The following SHISA9 variants were observed in gnomAD, a reference collection of about 807,000 sequenced individuals.
SHISA9 encodes protein shisa-9.
SHISA9 carries 13 observed loss-of-function variants against 38.0 expected under a neutral mutation model. That is an observed-to-expected ratio of 0.34 (90% CI 0.22 to 0.54). The LOEUF is 0.54. Ranked by LOEUF, SHISA9 falls within the 20% of genes least tolerant of loss-of-function variation. The probability of loss-of-function intolerance (pLI) is 0.91; values close to 1 mark genes in which losing one functional copy is unlikely to be tolerated. For missense variants in SHISA9, 538 were observed against 575.8 expected (o/e 0.93, Z 0.67); for synonymous variants, 275 against 242.0 (o/e 1.14, Z -1.27).
the SHISA9 span, among the ~76,000 whole-genome samples, chr16:13,553,369 C>G: frequency 6.6e-5 from 10 of 152,192 alleles, no homozygotes; most frequent in Non-Finnish European, 1.0e-4. Context: ...TCATTCTACG[C>G]TAGGCACTGT....
chr16:12,953,498 G>A (rs2071787672), intron 2 of SHISA9, among the ~76,000 whole-genome samples: 1 of 152,180 alleles, frequency 6.6e-6, no homozygotes, highest in African/African-American at 2.4e-5. Flanking sequence ...CCAACAGAAA[G>A]CATAAGGACA....
At position 12,902,223 on chromosome 16, in the gene SHISA9, G is replaced by A. The variant is rs1194291973; in HGVS notation, c.159G>A (p.Glu53=). The change falls in exon 1 of 5, where the codon GAG becomes GAA. Residue 53 remains glutamate (E), a synonymous_variant. Coordinates refer to ENST00000558583, the MANE Select transcript of SHISA9 (RefSeq NM_001145204.3). ...GGNRSGAASG[E]ASEGAEASDA... ...ACCGCTCCGGGGCCGCCTCCGGAGA[G>A]GCCAGCGAGGGCGCTGAGGCATCGG... 6.5e-7 allele frequency: 1 copy of A among 1,538,916 alleles called. No homozygotes were observed. Among genetic ancestry groups the A allele is most frequent in the Non-Finnish European group, 8.7e-7 (1 of 1,145,746 alleles).
chr16:13,495,512 G>C, the SHISA9 span, among the ~76,000 whole-genome samples: 1 of 152,042 alleles, frequency 6.6e-6, no homozygotes, highest in African/African-American at 2.4e-5. Flanking sequence ...TATATTGGCA[G>C]TGACTTTTCT....
At chr16:13,132,738 A>G (rs559565457) in intron 2 of SHISA9, among the ~76,000 whole-genome samples, 1 of 152,322 alleles carries the variant, frequency 6.6e-6, no homozygotes, top group South Asian at 2.1e-4. Flanking sequence ...AAGGAAAGGT[A>G]TTGAAAGCAA....
the SHISA9 span, among the ~76,000 whole-genome samples, chr16:13,544,447 T>TTTTTTTC: frequency 6.9e-6 from 1 of 144,212 alleles, no homozygotes; most frequent in African/African-American, 2.6e-5. Flanking sequence ...TTTTTTTTTT[T>TTTTTTTC]CCCCGCTGGA....
At chr16:13,205,886 C>T (rs916248010) in intron 3 of SHISA9, among the ~76,000 whole-genome samples, 7 of 151,744 alleles carry the variant, frequency 4.6e-5, no homozygotes, top group Admixed American at 1.3e-4. Context: ...CTCAGCCTCC[C>T]GAGTAGCTGA....
intron 2 of SHISA9, among the ~76,000 whole-genome samples, chr16:13,025,776 G>A (rs2072913174): frequency 6.6e-6 from 1 of 151,848 alleles, no homozygotes; most frequent in Admixed American, 6.6e-5. Context: ...TTTATTGTAA[G>A]AACACTTAAC....
Position 12,981,645 on chromosome 16 carries a change from G to A in SHISA9, c.691+64830G>A, listed in dbSNP as rs185701995. ...TCGATTTTTAATCCCCTGGGTCTTC[G>A]TTACAGGCTGAATTGTGTCTTCTTG... On this transcript the variant is annotated intron_variant, in intron 2 of 4. Transcript: ENST00000558583. Among the ~76,000 whole-genome samples the A allele has an allele frequency of 2.3e-3, 351 of 152,220 alleles. 1 individual carries two copies. Among genetic ancestry groups the A allele is most frequent in the African/African-American group, 8.1e-3 (335 of 41,540 alleles).
chr16:13,257,749 G>T, the SHISA9 span, among the ~76,000 whole-genome samples: 2 of 152,140 alleles, frequency 1.3e-5, no homozygotes, highest in African/African-American at 4.8e-5. Context: ...CTTTTAGAGT[G>T]TGAAAGCTCC....
intron 2 of SHISA9, among the ~76,000 whole-genome samples, chr16:12,925,567 C>T (rs749318703): frequency 1.3e-5 from 2 of 152,102 alleles, no homozygotes; most frequent in Non-Finnish European, 2.9e-5. Flanking sequence ...CTAATGCTGG[C>T]CACATGGCAT....
At chr16:13,534,610 T>C in the SHISA9 span, among the ~76,000 whole-genome samples, 2 of 152,218 alleles carry the variant, frequency 1.3e-5, no homozygotes. Flanking sequence ...TTTACAAGAA[T>C]TGTCAGCAAT....
chr16:13,239,255 G>C lies in SHISA9; in HGVS notation c.*3846G>C, dbSNP rs2051415084. ...CTATCCTTGTTGGACTTTTGGGTTG[G>C]TTCCAAGTCTTTGCTATTGTGAATA... On this transcript the variant is annotated 3_prime_UTR_variant, in exon 5 of 5. Coordinates refer to ENST00000558583, the MANE Select transcript of SHISA9 (RefSeq NM_001145204.3). 6.6e-6 allele frequency: 1 copy of C among 151,774 alleles called. No homozygotes were observed. The highest frequency in any genetic ancestry group is 2.1e-4 in the South Asian group (1 of 4,774). 9.4% of individuals were successfully genotyped at this position (151,774 alleles called of 1,614,324 possible).
At chr16:13,257,166 A>C in the SHISA9 span, among the ~76,000 whole-genome samples, 1 of 152,170 alleles carries the variant, frequency 6.6e-6, no homozygotes, top group African/African-American at 2.4e-5. Context: ...TCAGCCAAAG[A>C]GTTTGGCCAT....
chr16:13,295,271 G>C, the SHISA9 span, among the ~76,000 whole-genome samples: 1 of 152,188 alleles, frequency 6.6e-6, no homozygotes, highest in Non-Finnish European at 1.5e-5. Context: ...GGCTGAATTT[G>C]ACTGTGGATC....
the SHISA9 span, among the ~76,000 whole-genome samples, chr16:13,296,660 G>A: frequency 6.6e-6 from 1 of 151,776 alleles, no homozygotes; most frequent in African/African-American, 2.4e-5. Flanking sequence ...GGAGGCCAAG[G>A]CAAACAGATC....
chr16:13,348,427 G>A, the SHISA9 span, among the ~76,000 whole-genome samples: 1 of 151,972 alleles, frequency 6.6e-6, no homozygotes, highest in African/African-American at 2.4e-5. Context: ...GCAGTTTTGT[G>A]CTAAGCATCT....
chr16:13,141,574 C>G (rs923549569), intron 2 of SHISA9, among the ~76,000 whole-genome samples: 1 of 151,888 alleles, frequency 6.6e-6, no homozygotes, highest in Non-Finnish European at 1.5e-5. Context: ...GTCCCAGCTA[C>G]TGGAGAGGCT....
At chr16:13,016,073 C>T (rs527952757) in intron 2 of SHISA9, among the ~76,000 whole-genome samples, 126 of 147,228 alleles carry the variant, frequency 8.6e-4, no homozygotes, top group African/African-American at 1.8e-3. Flanking sequence ...CTGCAACCTC[C>T]GCCTCCTTGG....
intron 2 of SHISA9, among the ~76,000 whole-genome samples, chr16:13,127,760 G>T (rs531437031): frequency 6.6e-6 from 1 of 152,076 alleles, no homozygotes; most frequent in Non-Finnish European, 1.5e-5. Context: ...GCTTAACCAC[G>T]TCTATTTCAC....
Sources: allele counts gnomAD v4.1 joint callset (sites outside exome capture counted in the v4.1 genomes callset), GRCh38; gene constraint gnomAD v4.1.1; transcripts MANE v1.5; gene names NCBI Gene and HGNC (gene_info 2026-07-23, HGNC 2026-07-21).